ADAMTS3: variants seen among roughly 807,000 people sequenced by gnomAD.
ADAMTS3 encodes A disintegrin and metalloproteinase with thrombospondin motifs 3.
ADAMTS3 carries 73 observed loss-of-function variants against 129.0 expected under a neutral mutation model. That is an observed-to-expected ratio of 0.57 (90% CI 0.47 to 0.69). ADAMTS3 has a LOEUF of 0.69. Among genes scored for constraint, ADAMTS3 ranks in the 30% least tolerant of loss-of-function variants. ADAMTS3 has a pLI of 0.00. For missense variants in ADAMTS3, 1,457 were observed against 1,514.5 expected (o/e 0.96, Z 0.63); for synonymous variants, 477 against 510.8 (o/e 0.93, Z 0.89).
Position 72,502,407 on chromosome 4 carries a change from T to C in ADAMTS3, c.504+46071A>G, listed in dbSNP as rs143701525. 9.6e-4 allele frequency among the ~76,000 whole-genome samples: 146 copies of C among 152,312 alleles called. 4 individuals carry two copies. The East Asian group carries it at 0.024, about 25-fold the overall frequency. On this transcript the variant is annotated intron_variant, in intron 3 of 21. Coordinates refer to ENST00000286657, the MANE Select transcript of ADAMTS3 (RefSeq NM_014243.3). ...ATTTTCTAGTTTGTGTGTACATAGG[T>C]GTTCATAATAGTCTCTGAGAATCAT...
chr4:72,453,398 T>A (rs997750335), intron 3 of ADAMTS3, among the ~76,000 whole-genome samples: 7 of 151,742 alleles, frequency 4.6e-5, no homozygotes, highest in African/African-American at 1.7e-4. Context: ...CTGTGTAACA[T>A]TCATTATTCC....
intron 3 of ADAMTS3, among the ~76,000 whole-genome samples, chr4:72,464,263 G>A (rs1339563563): frequency 6.6e-6 from 1 of 152,026 alleles, no homozygotes; most frequent in Admixed American, 6.6e-5. Context: ...CTGGGCCACA[G>A]AATCTTTTCC....
intron 17 of ADAMTS3, among the ~76,000 whole-genome samples, chr4:72,301,086 A>C: frequency 6.6e-6 from 1 of 152,236 alleles, no homozygotes; most frequent in Non-Finnish European, 1.5e-5. Flanking sequence ...TAACTAATAT[A>C]GACATCCATA....
At chr4:72,441,334 G>T (rs1046737000) in intron 3 of ADAMTS3, among the ~76,000 whole-genome samples, 8 of 151,826 alleles carry the variant, frequency 5.3e-5, no homozygotes, top group African/African-American at 1.9e-4. Context: ...TCTTTTGTGA[G>T]ATGTCAGTTC....
At position 72,285,429 on chromosome 4, in the gene ADAMTS3, T is replaced by C. The variant is rs369788461; in HGVS notation, c.3050-1725A>G. On this transcript the variant is annotated intron_variant, in intron 21 of 21. Coordinates refer to ENST00000286657, the MANE Select transcript of ADAMTS3 (RefSeq NM_014243.3). The stretch of plus-strand genomic sequence containing the variant: ...ATAAGAAAAATGTCTTCTTTCTGTA[T>C]GTGTCAGGCTCTAGGTCTCAAGAGG... 4.6e-5 allele frequency among the ~76,000 whole-genome samples: 7 copies of C among 152,186 alleles called. No homozygotes were observed. The East Asian group carries it at 1.3e-3, about 29-fold the overall frequency.
At chr4:72,458,560 G>A (rs1718685053) in intron 3 of ADAMTS3, among the ~76,000 whole-genome samples, 1 of 151,430 alleles carries the variant, frequency 6.6e-6, no homozygotes, top group Admixed American at 6.6e-5. Context: ...AACTTTCTTA[G>A]GGTCCAGTTT....
chr4:72,503,717 T>G (rs1720084548), intron 3 of ADAMTS3, among the ~76,000 whole-genome samples: 1 of 152,218 alleles, frequency 6.6e-6, no homozygotes, highest in Non-Finnish European at 1.5e-5. Flanking sequence ...TCCCTCAGTA[T>G]TATTGTGTGA....
chr4:72,436,737 T>C (rs891622799), intron 3 of ADAMTS3, among the ~76,000 whole-genome samples: 2 of 152,056 alleles, frequency 1.3e-5, no homozygotes, highest in South Asian at 4.2e-4. Flanking sequence ...ACCATCATTC[T>C]CAGCAAACTA....
At chr4:72,399,154 G>A (rs952693766) in intron 4 of ADAMTS3, among the ~76,000 whole-genome samples, 1 of 152,094 alleles carries the variant, frequency 6.6e-6, no homozygotes, top group African/African-American at 2.4e-5. Context: ...TTATTTTTCT[G>A]GCCATGCGTG....
intron 3 of ADAMTS3, among the ~76,000 whole-genome samples, chr4:72,470,434 A>T (rs1227742573): frequency 6.7e-6 from 1 of 149,180 alleles, no homozygotes; most frequent in Non-Finnish European, 1.5e-5. Flanking sequence ...TATACATCTC[A>T]TGTATAATAT....
chr4:72,520,314 T>A (rs1720629015), intron 3 of ADAMTS3, among the ~76,000 whole-genome samples: 1 of 152,224 alleles, frequency 6.6e-6, no homozygotes, highest in African/African-American at 2.4e-5. Flanking sequence ...GAGGAGGCAG[T>A]CTGCTTGTTC....
At chr4:72,520,221 G>A (rs1218802767) in intron 3 of ADAMTS3, among the ~76,000 whole-genome samples, 9 of 151,142 alleles carry the variant, frequency 6.0e-5, no homozygotes, top group African/African-American at 1.9e-4. Flanking sequence ...AGGAGTACCC[G>A]GCCGTGTGAG....
chr4:72,295,891 T>C, intron 18 of ADAMTS3, 105 bp from the exon 19 acceptor site: 1 of 1,418,880 alleles, frequency 7.0e-7, no homozygotes, highest in Admixed American at 2.0e-5. Flanking sequence ...ATTCAATAAA[T>C]ATGTATTGAG....
At chr4:72,393,138 C>T (rs778369105) in intron 4 of ADAMTS3, among the ~76,000 whole-genome samples, 21 of 152,056 alleles carry the variant, frequency 1.4e-4, no homozygotes, top group Non-Finnish European at 2.1e-4. Flanking sequence ...GTTGGTCAGG[C>T]TGGTCTCGAA....
At chr4:72,493,066 A>G (rs1387634220) in intron 3 of ADAMTS3, among the ~76,000 whole-genome samples, 5 of 151,924 alleles carry the variant, frequency 3.3e-5, no homozygotes, top group Admixed American at 2.6e-4. Context: ...TTTGCATGAA[A>G]TATCTTTTTA....
intron 3 of ADAMTS3, among the ~76,000 whole-genome samples, chr4:72,519,038 G>A (rs1720581123): frequency 6.6e-6 from 1 of 150,638 alleles, no homozygotes; most frequent in Non-Finnish European, 1.5e-5. Flanking sequence ...GCCTGGTGGT[G>A]ACAAAATCTC....
chr4:72,507,339 T>A (rs1428893251), intron 3 of ADAMTS3, among the ~76,000 whole-genome samples: 1 of 152,086 alleles, frequency 6.6e-6, no homozygotes, highest in Admixed American at 6.6e-5. Flanking sequence ...TTAGTTACTG[T>A]GCCTTGGTAA....
At chr4:72,285,513 C>T (rs1008008352) in intron 21 of ADAMTS3, among the ~76,000 whole-genome samples, 1 of 151,960 alleles carries the variant, frequency 6.6e-6, no homozygotes, top group African/African-American at 2.4e-5. Context: ...CCTCATCGCC[C>T]CTGTTAGGAG....
At chr4:72,385,018 A>G (rs986485669) in intron 4 of ADAMTS3, among the ~76,000 whole-genome samples, 6 of 151,966 alleles carry the variant, frequency 3.9e-5, no homozygotes, top group African/African-American at 1.2e-4. Context: ...AATATATTTT[A>G]AAAAAAGAAA....
Sources: allele counts gnomAD v4.1 joint callset (sites outside exome capture counted in the v4.1 genomes callset), GRCh38; gene constraint gnomAD v4.1.1; transcripts MANE v1.5; gene names NCBI Gene and HGNC (gene_info 2026-07-23, HGNC 2026-07-21).